Variants in GNAS observed in about 807,000 individuals in gnomAD.
GNAS encodes the protein protein ALEX.
GNAS carries 8 observed loss-of-function variants against 54.5 expected under a neutral mutation model. The ratio of observed to expected loss-of-function variants is 0.15; its 90% CI spans 0.09 to 0.26. The LOEUF is 0.26. Ranked by LOEUF, GNAS falls within the 10% of genes least tolerant of loss-of-function variation. The pLI, the probability that GNAS is intolerant of heterozygous loss-of-function variation, is 1.00. For synonymous variants in GNAS, 204 were observed against 191.4 expected (o/e 1.07, Z -0.54); for missense variants, 170 against 529.8 (o/e 0.32, Z 6.67).
chr20:58,844,340 G>A (rs1041393703), intron 1 of GNAS, among the ~76,000 whole-genome samples: 2 of 152,182 alleles, frequency 1.3e-5, no homozygotes, highest in African/African-American at 4.8e-5. Context: ...TCACCCAGCA[G>A]AGGGATGAGA....
chr20:58,842,994 T>C (rs2085796286), intron 1 of GNAS, among the ~76,000 whole-genome samples: 1 of 152,166 alleles, frequency 6.6e-6, no homozygotes, highest in Non-Finnish European at 1.5e-5. Context: ...CATCTTGCTG[T>C]TTTTTAAACA....
chr20:58,896,912 C>T (rs556002937), intron 2 of GNAS, among the ~76,000 whole-genome samples: 1 of 152,244 alleles, frequency 6.6e-6, no homozygotes, highest in Admixed American at 6.5e-5. Flanking sequence ...ACAAAAAAAC[C>T]TTTACTAGTC....
At position 58,854,300 on chromosome 20, in the gene GNAS, G is replaced by C. The variant is rs770200254; in HGVS notation, c.43+13414G>C. 12 of 1,605,498 alleles carry C rather than the reference G, an allele frequency of 7.5e-6. No individual in the cohort carries two copies. The Admixed American group carries it at 1.4e-4, about 18-fold the overall frequency. On this transcript the variant is annotated intron_variant, in intron 1 of 12. Coordinates refer to the GNAS transcript ENST00000306090. Reference sequence around the variant, plus strand: ...TCAAGGTCTCCGGAGCCCCAGATAAGAGAGAGCGAGCAGAGAGACCCCCAG... The same window carrying C: ...TCAAGGTCTCCGGAGCCCCAGATAACAGAGAGCGAGCAGAGAGACCCCCAG...
At position 58,910,555 on chromosome 20, in the gene GNAS, C is replaced by G. The variant is rs1434387434; in HGVS notation, c.1039-128C>G. The G allele has an allele frequency of 1.6e-6, 2 of 1,262,316 alleles. No homozygotes were observed. The highest frequency in any genetic ancestry group is 4.8e-5 in the East Asian group (2 of 41,834). 78.2% of individuals were successfully genotyped at this position (1,262,316 alleles called of 1,614,324 possible). A position where few individuals can be genotyped will look rare whatever the true frequency, so the allele number is the denominator to read the frequency against. On this transcript the variant is annotated intron_variant, in intron 12 of 12. Coordinates refer to ENST00000371085, the MANE Select transcript of GNAS (RefSeq NM_000516.7). The surrounding 1 kb of genome is among the most constrained non-coding windows in gnomAD (Gnocchi z 5.8). ...GTGGATTTGAGCTCTTTGCGCCCCT[C>G]TTTTTGCTTTTGTTTTCATATGACA...
intron 1 of GNAS, chr20:58,842,621 G>A (rs2085782391): frequency 2.5e-6 from 1 of 397,522 alleles, no homozygotes; most frequent in Non-Finnish European, 4.4e-6. Context: ...AAGTTTGGAG[G>A]CTGCGGAAGG....
chr20:58,841,568 C>T lies in GNAS; in HGVS notation c.43+682C>T. 1 of 1,001,888 alleles carries T rather than the reference C, an allele frequency of 1.0e-6. No individual in the cohort carries two copies. Among genetic ancestry groups the T allele is most frequent in the Non-Finnish European group, 1.2e-6 (1 of 841,384 alleles). 62.1% of individuals were successfully genotyped at this position (1,001,888 alleles called of 1,614,324 possible). A position where few individuals can be genotyped will look rare whatever the true frequency, so the allele number is the denominator to read the frequency against. ...GCCTTGGCCGCCACAGCCCGCCTCC[C>T]GTCGCTCGCGGGACAGAGACCGCCT... is the stretch of plus-strand genomic sequence containing the variant. On this transcript the variant is annotated intron_variant, in intron 1 of 12. Coordinates refer to the GNAS transcript ENST00000306090. The surrounding 1 kb of genome is among the most constrained non-coding windows in gnomAD (Gnocchi z 5.0).
rs1024637600 is a variant in GNAS, at chr20:58,863,185, CTTT to C, written c.43+22301_43+22303del. Among the ~76,000 whole-genome samples, 2 of 152,128 alleles carry C rather than the reference CTTT, an allele frequency of 1.3e-5. No homozygotes were observed. The highest frequency in any genetic ancestry group is 2.9e-5 in the Non-Finnish European group (2 of 68,018). ...CTTTCAAGTTAGAATCAGTGGAGCG[CTTT>C]TCTACATGCAACAACTGGGAGCTAT... On this transcript the variant is annotated intron_variant, in intron 1 of 12. Coordinates refer to the GNAS transcript ENST00000306090. The surrounding 1 kb of genome is among the most constrained non-coding windows in gnomAD (Gnocchi z 4.1).
chr20:58,841,249 T>G lies in GNAS; in HGVS notation c.43+363T>G. The G allele has an allele frequency of 3.1e-6, 3 of 956,886 alleles. No individual in the cohort carries two copies. The highest frequency in any genetic ancestry group is 3.9e-6 in the Non-Finnish European group (3 of 764,532). The allele number at this position is 956,886 out of a possible 1,614,324, so 59.3% of individuals were successfully genotyped here. A position where few individuals can be genotyped will look rare whatever the true frequency, so the allele number is the denominator to read the frequency against. The stretch of plus-strand genomic sequence containing the variant: ...AAGTCACTTGTTTTGCGCGCTTTTC[T>G]TCCTCCTAGAAAGACTAGTCTCAAA... On this transcript the variant is annotated intron_variant, in intron 1 of 12. Coordinates refer to the GNAS transcript ENST00000306090. The surrounding 1 kb of genome is among the most constrained non-coding windows in gnomAD (Gnocchi z 5.0).
upstream of GNAS, chr20:58,890,809 CGT>C (rs563599642): frequency 5.3e-5 from 8 of 152,082 alleles, no homozygotes; most frequent in African/African-American, 1.2e-4. Context: ...TATTCGTGTT[CGT>C]GTGTGTGTGT....
In GNAS at chr20:58,903,589, C is replaced by T. The variant is rs371359864; in HGVS notation, c.312+4C>T. 17 of 1,613,842 alleles carry T rather than the reference C, an allele frequency of 1.1e-5. No individual in the cohort carries two copies. The highest frequency in any genetic ancestry group is 1.6e-4 in the Middle Eastern group (1 of 6,082). ...CAACCTGAAAGAGGCGATTGAAGTA[C>T]GTGCTGGCTCCTTGTGCTGTCTGTC... is the stretch of plus-strand genomic sequence containing the variant. On this transcript the variant is annotated splice_donor_region_variant and intron_variant, in intron 4 of 12. Coordinates refer to ENST00000371085, the MANE Select transcript of GNAS (RefSeq NM_000516.7).
At chr20:58,855,351 G>C (rs1326127664) in intron 1 of GNAS, 2 of 1,555,564 alleles carry the variant, frequency 1.3e-6, no homozygotes, top group Non-Finnish European at 1.7e-6. Flanking sequence ...GGCGGACTCT[G>C]CCTGCGGGCA....
In GNAS at chr20:58,909,870, G is replaced by C. The variant is rs1601165143; in HGVS notation, c.839+66G>C. 6.2e-7 allele frequency: 1 copy of C among 1,612,614 alleles called. No individual in the cohort carries two copies. On this transcript the variant is annotated intron_variant, in intron 10 of 12. Transcript: ENST00000371085. This position sits in a 1 kb window ranked among gnomAD's most constrained non-coding sequence, Gnocchi z 7.3. The stretch of plus-strand genomic sequence containing the variant: ...GGCCCTGGTCTGCACTGTTTATAGA[G>C]AAGAACCCCGTGCAAGCATTCCAGA...
Position 58,909,615 on chromosome 20 carries a change from G to A in GNAS, c.718+36G>A, listed in dbSNP as rs759476963. ...GTGGGCTTGGCTGTTCGTAAAGAAC[G>A]CTTTGCTTCTGTGTTGTTAGGGATC... is the stretch of plus-strand genomic sequence containing the variant. On this transcript the variant is annotated intron_variant, in intron 9 of 12. Coordinates refer to ENST00000371085, the MANE Select transcript of GNAS (RefSeq NM_000516.7). This position sits in a 1 kb window ranked among gnomAD's most constrained non-coding sequence, Gnocchi z 7.3. 30 of 1,613,964 alleles carry A rather than the reference G, an allele frequency of 1.9e-5. No homozygotes were observed. Among genetic ancestry groups the A allele is most frequent in the East Asian group, 4.5e-5 (2 of 44,902 alleles).
At chr20:58,880,288 A>G (rs771564975) in intron 1 of GNAS, among the ~76,000 whole-genome samples, 1 of 152,158 alleles carries the variant, frequency 6.6e-6, no homozygotes, top group Non-Finnish European at 1.5e-5. Context: ...GCTGTTCCGA[A>G]TCCATCTTAC....
chr20:58,885,628 A>G (rs1161679097), intron 1 of GNAS, among the ~76,000 whole-genome samples: 1 of 152,232 alleles, frequency 6.6e-6, no homozygotes, highest in African/African-American at 2.4e-5. Context: ...AAGAAAAAAA[A>G]ATGTCCTAGA....
intron 3 of GNAS, chr20:58,903,120 A>G (rs745352814): frequency 1.4e-5 from 5 of 348,138 alleles, no homozygotes; most frequent in Non-Finnish European, 2.8e-5. Context: ...TCCAAGTCAA[A>G]CCATGGGACT....
At chr20:58,877,779 G>C (rs2087927695) in intron 1 of GNAS, among the ~76,000 whole-genome samples, 1 of 152,254 alleles carries the variant, frequency 6.6e-6, no homozygotes, top group Non-Finnish European at 1.5e-5. Flanking sequence ...GGTAATCCCT[G>C]CTCTGATTGG....
At chr20:58,872,231 G>A (rs949826009) in intron 1 of GNAS, among the ~76,000 whole-genome samples, 1 of 152,048 alleles carries the variant, frequency 6.6e-6, no homozygotes, top group Non-Finnish European at 1.5e-5. Context: ...TTTAAAGTTA[G>A]GAACACACTG....
chr20:58,864,442 T>C (rs1302158884), intron 1 of GNAS, among the ~76,000 whole-genome samples: 1 of 152,180 alleles, frequency 6.6e-6, no homozygotes, highest in African/African-American at 2.4e-5. Flanking sequence ...AGATGCTGAA[T>C]TCACTTATTA....
Sources: allele counts gnomAD v4.1 joint callset (sites outside exome capture counted in the v4.1 genomes callset), GRCh38; gene constraint gnomAD v4.1.1; non-coding constraint Gnocchi (gnomAD v3.1); transcripts MANE v1.5; gene names NCBI Gene and HGNC (gene_info 2026-07-23, HGNC 2026-07-21).